TEKT4: variants seen among roughly 807,000 people sequenced by gnomAD.
TEKT4 encodes the protein tektin 4.
In TEKT4, 46 loss-of-function variants were observed where a neutral mutation model predicts 46.0. The ratio of observed to expected loss-of-function variants is 1.00; its 90% CI spans 0.79 to 1.28. The LOEUF is 1.28. Among genes scored for constraint, TEKT4 ranks in the 50% most tolerant of loss-of-function variants. The pLI, the probability that TEKT4 is intolerant of heterozygous loss-of-function variation, is 0.00. For missense variants in TEKT4, 790 were observed against 622.9 expected (o/e 1.27, Z -2.85); for synonymous variants, 325 against 265.8 (o/e 1.22, Z -2.17).
Position 94,871,641 on chromosome 2 carries a change from C to T in TEKT4, c.62C>T (p.Thr21Met), listed in dbSNP as rs138039736. ...PCKEYDVARN[T>M]GAYTSSGLAT... The stretch of plus-strand genomic sequence containing the variant: ...AAAGAGTACGACGTGGCCCGTAACA[C>T]GGGCGCCTACACGTCCTCCGGCCTG... Residue 21 changes from threonine to methionine, a missense_variant, in exon 1 of 6, where the codon ACG (threonine) becomes ATG (methionine). Physicochemically the swap from Thr to Met is moderately conservative, Grantham distance 81. Coordinates refer to ENST00000295201, the MANE Select transcript of TEKT4 (RefSeq NM_144705.4). 5,761 of 1,612,478 alleles carry T rather than the reference C, an allele frequency of 3.6e-3. 14 individuals carry two copies. Among genetic ancestry groups the T allele is most frequent in the Non-Finnish European group, 4.4e-3 (5,158 of 1,179,884 alleles).
rs1573189736 is a variant in TEKT4, at chr2:94,875,604, C to G, written c.953C>G (p.Thr318Arg). Residue 318 changes from threonine to arginine, a missense_variant, in exon 5 of 6, where the codon ACA becomes AGA. Transcript: ENST00000295201. Reference sequence around the variant, plus strand: ...TGTCTGCAGACACTGCGGGAAATCACAGATCAGGAACACAACGTGGCGGCA... The same window carrying G: ...TGTCTGCAGACACTGCGGGAAATCAGAGATCAGGAACACAACGTGGCGGCA... The part of the protein sequence containing the change: ...HHLHKTLREI[T>R]DQEHNVAALK... 1.2e-6 allele frequency: 2 copies of G among 1,614,028 alleles called. No individual in the cohort carries two copies. Among genetic ancestry groups the G allele is most frequent in the Non-Finnish European group, 1.7e-6 (2 of 1,180,002 alleles).
chr2:94,875,329 T>C (rs1352042216), intron 4 of TEKT4, among the ~76,000 whole-genome samples: 3 of 152,112 alleles, frequency 2.0e-5, no homozygotes, highest in Admixed American at 2.0e-4. Context: ...CCCCAGTCCT[T>C]GAGCAGGATT....
Position 94,874,033 on chromosome 2 carries a change from A to G in TEKT4, c.638A>G (p.Asp213Gly). Residue 213 changes from aspartate (D) to glycine (G), a missense_variant, in exon 3 of 6, where the codon GAC (aspartate) becomes GGC (glycine). By Grantham distance (94) the Asp-to-Gly change is moderately conservative. Coordinates refer to ENST00000295201, the MANE Select transcript of TEKT4 (RefSeq NM_144705.4). ...WSDKMEAYNI[D>G]ETCGRHHSQS... is the part of the protein sequence containing the mutation. ...GACAAGATGGAGGCCTACAACATCGACGAGACCTGCGGGCGCCACCACAGC... is the reference window on the plus strand; with the variant it reads ...GACAAGATGGAGGCCTACAACATCGGCGAGACCTGCGGGCGCCACCACAGC... The G allele has an allele frequency of 6.2e-6, 10 of 1,613,834 alleles. No individual in the cohort carries two copies. The highest frequency in any genetic ancestry group is 8.5e-6 in the Non-Finnish European group (10 of 1,179,976).
chr2:94,874,579 CAG>C (rs1558607324), intron 3 of TEKT4, among the ~76,000 whole-genome samples, 195 bp from the exon 4 acceptor site: 1 of 150,804 alleles, frequency 6.6e-6, no homozygotes, highest in Non-Finnish European at 1.5e-5. Flanking sequence ...TGGGGGGACT[CAG>C]AGAAGTTGTG....
chr2:94,873,574 G>C lies in TEKT4; in HGVS notation c.553G>C (p.Ala185Pro). 1 of 1,613,322 alleles carries C rather than the reference G, an allele frequency of 6.2e-7. No homozygotes were observed. The highest frequency in any genetic ancestry group is 8.5e-7 in the Non-Finnish European group (1 of 1,180,000). ...GCTGCTGAAGAGAACCATCATGCAA[G>C]CAGTGAGCCAGATCCGGTGGGTAGA... ...QELLKRTIMQ[A>P]VSQIRLNREH... The change falls in exon 2 of 6, where the codon GCA (alanine) becomes CCA (proline). Residue 185 changes from alanine to proline, a missense_variant. Coordinates refer to ENST00000295201, the MANE Select transcript of TEKT4 (RefSeq NM_144705.4).
intron 3 of TEKT4, 104 bp from the exon 4 acceptor site, chr2:94,874,672 T>G: frequency 1.9e-6 from 2 of 1,055,286 alleles, no homozygotes; most frequent in Non-Finnish European, 2.7e-6. Context: ...TCCATGCACG[T>G]CCTCCAGGAG....
In TEKT4 at chr2:94,874,477, G is replaced by A. The variant is rs115556910; in HGVS notation, c.714-299G>A. Among the ~76,000 whole-genome samples the A allele has an allele frequency of 7.2e-5, 11 of 151,810 alleles. No homozygotes were observed. The East Asian group carries it at 7.8e-4, about 11-fold the overall frequency. ...CTAGGGAAGGGGGGCTGCGGGGGCC[G>A]GAGGTGCTGCAGAGGGGGCCTCCGG... On this transcript the variant is annotated intron_variant, in intron 3 of 5. Transcript: ENST00000295201.
At chr2:94,876,505 T>C in intron 5 of TEKT4, 48 bp from the exon 6 acceptor site, 1 of 1,536,206 alleles carries the variant, frequency 6.5e-7, no homozygotes. Flanking sequence ...GGTAGGTGCA[T>C]ACTTCTGCCC....
At chr2:94,873,862 A>G (rs1307149368) in intron 2 of TEKT4, 103 bp from the exon 3 acceptor site, 1 of 1,503,184 alleles carries the variant, frequency 6.7e-7, no homozygotes, top group Non-Finnish European at 9.0e-7. Flanking sequence ...CCCACCCAGA[A>G]CTCCCTCCTG....
intron 1 of TEKT4, chr2:94,872,635 G>A (rs1680629265): frequency 8.0e-6 from 3 of 373,498 alleles, no homozygotes; most frequent in Non-Finnish European, 1.5e-5. Context: ...GCTGGCTCTG[G>A]AGAATTCTCT....
intron 5 of TEKT4, 89 bp downstream of exon 5, chr2:94,875,831 C>A (rs1680824867): frequency 7.4e-7 from 1 of 1,350,302 alleles, no homozygotes; most frequent in South Asian, 1.4e-5. Flanking sequence ...ACACCCCGCA[C>A]ACACATCCCC....
At position 94,871,880 on chromosome 2, in the gene TEKT4, T is replaced by A; in HGVS notation, c.301T>A (p.Trp101Arg). 1 of 1,598,074 alleles carries A rather than the reference T, an allele frequency of 6.3e-7. No homozygotes were observed. Among genetic ancestry groups the A allele is most frequent in the South Asian group, 1.1e-5 (1 of 90,012 alleles). The stretch of plus-strand genomic sequence containing the variant: ...CGAGCGACTGCAGGACACGCACAGC[T>A]GGAAGTCGGAGCTGCAGCGTGAGAT... ...VGERLQDTHS[W>R]KSELQREMEA... The change falls in exon 1 of 6, where the codon TGG becomes AGG. Residue 101 changes from tryptophan to arginine, a missense_variant. Transcript: ENST00000295201.
chr2:94,872,306 C>T (rs1271946268), intron 1 of TEKT4: 9 of 605,084 alleles, frequency 1.5e-5, no homozygotes, highest in Non-Finnish European at 2.3e-5. Flanking sequence ...CCTCTAATCC[C>T]TTTGAGTCCT....
rs1294556048 is a variant in TEKT4 at position 94,874,945 on chromosome 2, CGCT to C, written c.885_887del (p.Cys296del). ...CGCCGTGAACCTGGCCTTCGGGCGCCGCTGTGAGGAGCTGGAGGACGCGCGGTA... is the reference window on the plus strand; with the variant it reads ...CGCCGTGAACCTGGCCTTCGGGCGCCGTGAGGAGCTGGAGGACGCGCGGTA... On this transcript the variant is annotated inframe_deletion, in exon 4 of 6. Coordinates refer to ENST00000295201, the MANE Select transcript of TEKT4 (RefSeq NM_144705.4). 3 of 1,611,682 alleles carry C rather than the reference CGCT, an allele frequency of 1.9e-6. No homozygotes were observed. The African/African-American group carries it at 4.0e-5, about 22-fold the overall frequency.
chr2:94,872,135 C>T (rs1221219537), intron 1 of TEKT4, 58 bp downstream of exon 1: 15 of 1,476,098 alleles, frequency 1.0e-5, no homozygotes, highest in African/African-American at 5.6e-5. Flanking sequence ...AGCCCCCCCC[C>T]CCGCAGTTCA....
intron 5 of TEKT4, 68 bp from the exon 6 acceptor site, chr2:94,876,485 C>T: frequency 2.8e-6 from 4 of 1,440,108 alleles, no homozygotes; most frequent in Non-Finnish European, 3.8e-6. Flanking sequence ...TTTTGGGTCC[C>T]CTACACCCCG....
At position 94,874,774 on chromosome 2, in the gene TEKT4, A is replaced by G. The variant is rs1220444786; in HGVS notation, c.714-2A>G. The G allele has an allele frequency of 6.4e-7, 1 of 1,567,724 alleles. No individual in the cohort carries two copies. ...CTCTCCTGGCTGTCCCCCGCCCCGCAGCGCCTCCACCCCGGAGACCCGGGC... is the reference window on the plus strand; with the variant it reads ...CTCTCCTGGCTGTCCCCCGCCCCGCGGCGCCTCCACCCCGGAGACCCGGGC... On this transcript the variant is annotated splice_acceptor_variant, in intron 3 of 5. Coordinates refer to ENST00000295201, the MANE Select transcript of TEKT4 (RefSeq NM_144705.4). LOFTEE classifies it high-confidence loss of function.
Position 94,874,047 on chromosome 2 carries a change from C to G in TEKT4, c.652C>G (p.Arg218Gly), listed in dbSNP as rs140412085. ...CTACAACATCGACGAGACCTGCGGGCGCCACCACAGCCAGAGCACCGAGGT... is the reference window on the plus strand; with the variant it reads ...CTACAACATCGACGAGACCTGCGGGGGCCACCACAGCCAGAGCACCGAGGT... ...EAYNIDETCG[R>G]HHSQSTEVQA... The change falls in exon 3 of 6, where the codon CGC becomes GGC. Residue 218 changes from arginine (R) to glycine (G), a missense_variant. Physicochemically the swap from Arg to Gly is moderately radical, Grantham distance 125 (BLOSUM62 -2). Transcript: ENST00000295201. The G allele has an allele frequency of 3.7e-6, 6 of 1,613,614 alleles. No individual in the cohort carries two copies. The highest frequency in any genetic ancestry group is 5.1e-6 in the Non-Finnish European group (6 of 1,179,978).
At chr2:94,872,432 TGCA>T (rs1680619583) in intron 1 of TEKT4, 2 of 397,988 alleles carry the variant, frequency 5.0e-6, no homozygotes, top group Non-Finnish European at 9.3e-6. Flanking sequence ...GGGCCAGCAC[TGCA>T]GGTGTGGACA....
Sources: gnomAD v4.1 joint callset for allele counts (sites outside exome capture counted in the v4.1 genomes callset) on GRCh38, gnomAD v4.1.1 for gene constraint, MANE v1.5 for transcripts, NCBI Gene and HGNC (gene_info 2026-07-23, HGNC 2026-07-21) for gene names.